Variants in CEP128 observed in about 807,000 individuals in gnomAD.
CEP128 encodes the protein centrosomal protein 128, also known as centrosomal protein 128kDa.
In CEP128, 132 loss-of-function variants were observed where a neutral mutation model predicts 156.7. The ratio of observed to expected loss-of-function variants is 0.84; its 90% CI spans 0.73 to 0.97. CEP128 has a LOEUF of 0.97. Ranked by LOEUF, CEP128 falls within the 50% of genes least tolerant of loss-of-function variation. The pLI is 0.00. For synonymous variants in CEP128, 469 were observed against 448.9 expected, an observed-to-expected ratio of 1.04 and a Z score of -0.57; for missense variants, 1,252 against 1,281.9, an observed-to-expected ratio of 0.98 and a Z score of 0.36.
intron 19 of CEP128, among the ~76,000 whole-genome samples, chr14:80,721,589 T>A (rs899119226): frequency 2.0e-5 from 3 of 152,214 alleles, no homozygotes; most frequent in African/African-American, 4.8e-5. Flanking sequence ...TTCACTTTCT[T>A]TTTACCTTTT....
At chr14:80,521,043 A>G (rs1470865216) in intron 23 of CEP128, among the ~76,000 whole-genome samples, 1 of 129,248 alleles carries the variant, frequency 7.7e-6, no homozygotes, top group East Asian at 2.2e-4. Context: ...GGGTTTCACC[A>G]TGTTAGCCAG....
At position 80,708,496 on chromosome 14, in the gene CEP128, T is replaced by A. The variant is rs948475867; in HGVS notation, c.2806+34579A>T. On this transcript the variant is annotated intron_variant, in intron 19 of 24. Coordinates refer to ENST00000555265, the MANE Select transcript of CEP128 (RefSeq NM_152446.5). ...CCATTTTTTTTCGATTATTTTCCATTTTTTATTTTATTATTATTATACTTT... is the reference window on the plus strand; with the variant it reads ...CCATTTTTTTTCGATTATTTTCCATATTTTATTTTATTATTATTATACTTT... Among the ~76,000 whole-genome samples the A allele has an allele frequency of 5.9e-5, 9 of 152,104 alleles. No homozygotes were observed. The East Asian group carries it at 1.5e-3, about 26-fold the overall frequency.
chr14:80,958,887 G>T (rs991699784), intron 1 of CEP128, among the ~76,000 whole-genome samples: 5 of 152,140 alleles, frequency 3.3e-5, no homozygotes, highest in African/African-American at 1.2e-4. Context: ...GGTTTAAAAT[G>T]TAAGGTATTT....
In CEP128 at chr14:80,635,115, G is replaced by C. The variant is rs143070285; in HGVS notation, c.2807-54692C>G. 2.4e-3 allele frequency among the ~76,000 whole-genome samples: 369 copies of C among 152,264 alleles called. 2 individuals are homozygous for C. The highest frequency in any genetic ancestry group is 4.6e-3 in the Non-Finnish European group (310 of 68,022). On this transcript the variant is annotated intron_variant, in intron 19 of 24. Transcript: ENST00000555265. ...CCCTTTATTTGGCCTGCTCGTTCTA[G>C]CTACCTATAATGCCTGCTTCTCAAG...
chr14:80,790,730 A>C (rs1267684979), intron 14 of CEP128, among the ~76,000 whole-genome samples: 1 of 152,158 alleles, frequency 6.6e-6, no homozygotes, highest in Non-Finnish European at 1.5e-5. Flanking sequence ...AATTTTTAAG[A>C]GAAAAAAAGC....
chr14:80,932,084 G>A (rs1195000578), intron 2 of CEP128, among the ~76,000 whole-genome samples: 2 of 152,144 alleles, frequency 1.3e-5, no homozygotes, highest in Non-Finnish European at 2.9e-5. Flanking sequence ...TTTATAAGGG[G>A]CTTTTCCTCC....
intron 9 of CEP128, among the ~76,000 whole-genome samples, chr14:80,847,402 T>C (rs529046691): frequency 6.6e-6 from 1 of 152,302 alleles, no homozygotes; most frequent in Admixed American, 6.5e-5. Flanking sequence ...GAGAACAATG[T>C]TTATTTCATC....
intron 23 of CEP128, among the ~76,000 whole-genome samples, chr14:80,524,216 T>C (rs1594946533): frequency 1.3e-5 from 2 of 152,256 alleles, no homozygotes; most frequent in Admixed American, 6.5e-5. Context: ...TACAGTATGT[T>C]TGTTGCATTA....
At chr14:80,679,722 C>A (rs1896236591) in intron 19 of CEP128, among the ~76,000 whole-genome samples, 1 of 149,282 alleles carries the variant, frequency 6.7e-6, no homozygotes, top group African/African-American at 2.6e-5. Flanking sequence ...AGCATGTGAT[C>A]TTTGTTCTCC....
At chr14:80,906,119 C>T (rs758517060) in intron 4 of CEP128, 38 bp from the exon 5 acceptor site, 5 of 1,416,324 alleles carry the variant, frequency 3.5e-6, no homozygotes, top group Non-Finnish European at 2.8e-6. Context: ...CGTTATTCTT[C>T]TTAAACAACT....
At chr14:80,736,290 G>A (rs1361939748) in intron 19 of CEP128, among the ~76,000 whole-genome samples, 1 of 150,562 alleles carries the variant, frequency 6.6e-6, no homozygotes, top group African/African-American at 2.4e-5. Context: ...TATATGCTTT[G>A]AATTTAATGA....
chr14:80,704,402 A>C (rs1897169330), intron 19 of CEP128, among the ~76,000 whole-genome samples: 1 of 152,086 alleles, frequency 6.6e-6, no homozygotes, highest in African/African-American at 2.4e-5. Flanking sequence ...AAAGTTTATG[A>C]GTGTAAAATG....
intron 18 of CEP128, among the ~76,000 whole-genome samples, chr14:80,747,073 A>G (rs961028352): frequency 5.3e-5 from 8 of 152,250 alleles, no homozygotes; most frequent in African/African-American, 1.9e-4. Context: ...TCAAAAAGAC[A>G]GATAATAACA....
chr14:80,906,775 C>T (rs903498955), intron 4 of CEP128, among the ~76,000 whole-genome samples: 1 of 152,094 alleles, frequency 6.6e-6, no homozygotes, highest in South Asian at 2.1e-4. Context: ...ATGTCCAGAG[C>T]TGTACACAAC....
At chr14:80,787,310 C>A (rs1434542613) in intron 14 of CEP128, among the ~76,000 whole-genome samples, 2 of 152,106 alleles carry the variant, frequency 1.3e-5, no homozygotes, top group Non-Finnish European at 2.9e-5. Flanking sequence ...TCCCCATTTC[C>A]TTGCTAGCTT....
chr14:80,883,671 G>A (rs1318367208), intron 8 of CEP128, among the ~76,000 whole-genome samples: 2 of 151,866 alleles, frequency 1.3e-5, no homozygotes, highest in African/African-American at 4.8e-5. Flanking sequence ...ACTACCCAAA[G>A]CAATCTACAG....
At chr14:80,900,745 T>G (rs1371721152) in intron 6 of CEP128, among the ~76,000 whole-genome samples, 3 of 152,034 alleles carry the variant, frequency 2.0e-5, no homozygotes, top group African/African-American at 7.2e-5. Flanking sequence ...AAACATAACA[T>G]CAAGTAAAAT....
intron 19 of CEP128, among the ~76,000 whole-genome samples, chr14:80,703,159 A>G (rs28491312): frequency 0.059 from 8,991 of 152,182 alleles, 622 homozygotes; most frequent in African/African-American, 0.17. Flanking sequence ...GTTAAAAAAC[A>G]GTAGAACTTG....
At chr14:80,523,023 G>A (rs973631664) in intron 23 of CEP128, among the ~76,000 whole-genome samples, 1 of 152,154 alleles carries the variant, frequency 6.6e-6, no homozygotes, top group African/African-American at 2.4e-5. Context: ...TTGTCCTGGT[G>A]ATTGCCACAG....
Sources: allele counts gnomAD v4.1 joint callset (sites outside exome capture counted in the v4.1 genomes callset), GRCh38; gene constraint gnomAD v4.1.1; transcripts MANE v1.5; gene names NCBI Gene and HGNC (gene_info 2026-07-23, HGNC 2026-07-21).